Variants in SPOCK1 observed in about 807,000 individuals in gnomAD.
The protein encoded by SPOCK1 is SPARC (osteonectin), cwcv and kazal like domains proteoglycan 1.
In SPOCK1, 23 loss-of-function variants were observed where a neutral mutation model predicts 55.3. The ratio of observed to expected loss-of-function variants is 0.42; its 90% confidence interval spans 0.30 to 0.59. The LOEUF (loss-of-function observed/expected upper bound fraction) is 0.59. SPOCK1 is among the 20% of genes least tolerant of loss of function. The pLI is 0.22. For missense variants in SPOCK1, 499 were observed against 552.5 expected (o/e 0.90, Z 0.97); for synonymous variants, 226 against 221.0 (o/e 1.02, Z -0.20).
chr5:137,198,883 A>G (rs943987601), intron 3 of SPOCK1, among the ~76,000 whole-genome samples: 1 of 152,232 alleles, frequency 6.6e-6, no homozygotes, highest in South Asian at 2.1e-4. Context: ...AAACGACTGA[A>G]TAAATGTATT....
intron 2 of SPOCK1, among the ~76,000 whole-genome samples, chr5:137,282,251 C>A (rs1336935718): frequency 6.6e-6 from 1 of 152,208 alleles, no homozygotes; most frequent in Non-Finnish European, 1.5e-5. Flanking sequence ...GTGATGCTGC[C>A]ATTCTGACTC....
rs149406169 is a variant in SPOCK1, at chr5:137,181,219, G to T, written c.233-40525C>A. Reference sequence around the variant, plus strand: ...GTAGCAATGAGAAGCAGCAGCATGGGCAAACAGAGGCAGGAGAGGAAGGTG... The same window carrying T: ...GTAGCAATGAGAAGCAGCAGCATGGTCAAACAGAGGCAGGAGAGGAAGGTG... On this transcript the variant is annotated intron_variant, in intron 3 of 10. Transcript: ENST00000394945. 6.4e-3 allele frequency among the ~76,000 whole-genome samples: 980 copies of T among 152,348 alleles called. 12 individuals carry two copies. Among genetic ancestry groups the T allele is most frequent in the African/African-American group, 0.022 (919 of 41,568 alleles).
chr5:137,292,336 C>T (rs1198498538), intron 2 of SPOCK1, among the ~76,000 whole-genome samples: 1 of 145,590 alleles, frequency 6.9e-6, no homozygotes, highest in Non-Finnish European at 1.5e-5. Context: ...CTACCCTAAG[C>T]TAAACCCCTA....
At chr5:136,997,251 G>T (rs1187202819) in intron 6 of SPOCK1, among the ~76,000 whole-genome samples, 2 of 151,974 alleles carry the variant, frequency 1.3e-5, no homozygotes, top group African/African-American at 4.8e-5. Context: ...ATATTCTCAG[G>T]GCAAACACTT....
At chr5:137,213,523 G>A (rs144741796) in intron 3 of SPOCK1, among the ~76,000 whole-genome samples, 20 of 152,246 alleles carry the variant, frequency 1.3e-4, no homozygotes, top group African/African-American at 4.8e-4. Flanking sequence ...ACAAACTCAA[G>A]TCACATTACA....
chr5:137,363,068 C>T (rs1039958786), intron 2 of SPOCK1, among the ~76,000 whole-genome samples: 2 of 152,196 alleles, frequency 1.3e-5, no homozygotes, highest in African/African-American at 4.8e-5. Context: ...TCCTTCACCA[C>T]ATGAACACGT....
At chr5:137,478,533 G>C (rs1439186580) in intron 2 of SPOCK1, among the ~76,000 whole-genome samples, 1 of 152,092 alleles carries the variant, frequency 6.6e-6, no homozygotes, top group African/African-American at 2.4e-5. Context: ...CCAATAAAAT[G>C]TTTGTTTTTA....
intron 2 of SPOCK1, among the ~76,000 whole-genome samples, chr5:137,347,488 G>T (rs1750583798): frequency 6.6e-6 from 1 of 152,124 alleles, no homozygotes; most frequent in Non-Finnish European, 1.5e-5. Context: ...CCAGCACTTT[G>T]GGAGGCAGAT....
intron 2 of SPOCK1, among the ~76,000 whole-genome samples, chr5:137,410,614 C>A (rs1415471378): frequency 6.6e-6 from 1 of 152,212 alleles, no homozygotes; most frequent in South Asian, 2.1e-4. Flanking sequence ...ATAAAGTCAA[C>A]AAGTATTAAA....
intron 5 of SPOCK1, among the ~76,000 whole-genome samples, chr5:137,082,650 A>G (rs17170939): frequency 0.044 from 6,705 of 152,276 alleles, 503 homozygotes; most frequent in African/African-American, 0.15. Context: ...TTGAGGGTCA[A>G]TCAGCCTTAG....
chr5:137,273,360 A>G (rs1244247669), intron 2 of SPOCK1: 5 of 984,818 alleles, frequency 5.1e-6, no homozygotes, highest in Non-Finnish European at 6.0e-6. Flanking sequence ...ATACAGTTGA[A>G]AAATCAAAAA....
intron 2 of SPOCK1, among the ~76,000 whole-genome samples, chr5:137,291,413 G>C (rs1017610527): frequency 2.0e-5 from 3 of 152,206 alleles, no homozygotes; most frequent in Non-Finnish European, 2.9e-5. Flanking sequence ...AGGGGCACAG[G>C]CAGGTTGCAA....
chr5:137,161,951 T>C (rs928518615), intron 3 of SPOCK1, among the ~76,000 whole-genome samples: 1 of 152,172 alleles, frequency 6.6e-6, no homozygotes, highest in South Asian at 2.1e-4. Flanking sequence ...TGATATATTG[T>C]GCATAGAATT....
At chr5:137,298,249 T>C (rs1757524624) in intron 2 of SPOCK1, among the ~76,000 whole-genome samples, 1 of 152,216 alleles carries the variant, frequency 6.6e-6, no homozygotes, top group Non-Finnish European at 1.5e-5. Flanking sequence ...TTCTCTTGCT[T>C]TGGATACCAG....
intron 6 of SPOCK1, among the ~76,000 whole-genome samples, chr5:137,043,357 T>C (rs1752037697): frequency 6.6e-6 from 1 of 152,124 alleles, no homozygotes; most frequent in Non-Finnish European, 1.5e-5. Context: ...TCATGTAAAA[T>C]ATTTCAAATA....
chr5:137,051,379 T>C (rs1349775938), intron 6 of SPOCK1, among the ~76,000 whole-genome samples: 2 of 152,230 alleles, frequency 1.3e-5, no homozygotes, highest in Admixed American at 6.5e-5. Flanking sequence ...GCTTTGGGTA[T>C]TGGCTTACTG....
At chr5:137,387,504 T>G (rs1751620511) in intron 2 of SPOCK1, among the ~76,000 whole-genome samples, 1 of 152,204 alleles carries the variant, frequency 6.6e-6, no homozygotes, top group South Asian at 2.1e-4. Context: ...TGGAGGAACT[T>G]CAAATGCATA....
At position 136,978,072 on chromosome 5, in the gene SPOCK1, C is replaced by T. The variant is rs1165830366; in HGVS notation, c.*582G>A. On this transcript the variant is annotated 3_prime_UTR_variant, in exon 11 of 11. Transcript: ENST00000394945. ...ATAAAATGAATTCCCCAAAGGGAGT[C>T]TTGACTGAATTAAGGCTGTTGTTTA... 32 of 397,410 alleles carry T rather than the reference C, an allele frequency of 8.1e-5. No individual in the cohort carries two copies. In the East Asian group the frequency reaches 1.1e-3, roughly 14 times the overall value. 24.6% of individuals were successfully genotyped at this position (397,410 alleles called of 1,614,324 possible).
At chr5:137,091,873 A>G (rs1286546389) in intron 5 of SPOCK1, among the ~76,000 whole-genome samples, 1 of 152,168 alleles carries the variant, frequency 6.6e-6, no homozygotes, top group Admixed American at 6.5e-5. Context: ...GATTCTTTAT[A>G]ATATTTACTC....
Sources: gnomAD v4.1 joint callset for allele counts (sites outside exome capture counted in the v4.1 genomes callset) on GRCh38, gnomAD v4.1.1 for gene constraint, MANE v1.5 for transcripts, NCBI Gene and HGNC (gene_info 2026-07-23, HGNC 2026-07-21) for gene names.